Variants in ANGPT2 observed in about 807,000 individuals in gnomAD.
ANGPT2 encodes angiopoietin 2.
ANGPT2 carries 28 observed loss-of-function variants against 62.9 expected under a neutral mutation model. That is an observed-to-expected ratio of 0.44 (90% confidence interval 0.33 to 0.61). The LOEUF is 0.61. Ranked by LOEUF, ANGPT2 falls within the 20% of genes least tolerant of loss-of-function variation. ANGPT2 has a pLI of 0.03. For missense variants in ANGPT2, 727 were observed against 594.9 expected (o/e 1.22, Z -2.31); for synonymous variants, 284 against 207.8 (o/e 1.37, Z -3.15).
chr8:6,547,643 T>G (rs1822841823), intron 1 of ANGPT2, among the ~76,000 whole-genome samples: 1 of 152,014 alleles, frequency 6.6e-6, no homozygotes, highest in Non-Finnish European at 1.5e-5. Context: ...TATCAAACAG[T>G]GAGTGCCTTT....
intron 5 of ANGPT2, among the ~76,000 whole-genome samples, chr8:6,519,289 G>A (rs931129128): frequency 1.1e-4 from 16 of 152,200 alleles, no homozygotes; most frequent in Admixed American, 9.8e-4. Context: ...CCACCGGTCT[G>A]TGGCACTGTG....
intron 1 of ANGPT2, among the ~76,000 whole-genome samples, chr8:6,545,489 C>T (rs1163757947): frequency 6.6e-6 from 1 of 152,148 alleles, no homozygotes; most frequent in Non-Finnish European, 1.5e-5. Context: ...CTAAATAATG[C>T]CTAATGAAAT....
intron 3 of ANGPT2, among the ~76,000 whole-genome samples, chr8:6,526,744 A>G (rs960041288): frequency 3.3e-5 from 5 of 152,224 alleles, no homozygotes; most frequent in African/African-American, 7.2e-5. Context: ...ATATATTGTT[A>G]TAGCCATGTT....
At chr8:6,538,572 C>G (rs1430841163) in intron 1 of ANGPT2, among the ~76,000 whole-genome samples, 1 of 152,208 alleles carries the variant, frequency 6.6e-6, no homozygotes, top group Non-Finnish European at 1.5e-5. Flanking sequence ...TCCCAGCTGC[C>G]CAGCGGCCTC....
chr8:6,518,818 T>C (rs1317978965), intron 5 of ANGPT2, among the ~76,000 whole-genome samples: 1 of 152,218 alleles, frequency 6.6e-6, no homozygotes, highest in Non-Finnish European at 1.5e-5. Flanking sequence ...TATCCAGTAG[T>C]TACATAACAC....
chr8:6,517,913 T>C (rs532927524), intron 5 of ANGPT2, among the ~76,000 whole-genome samples: 8 of 152,244 alleles, frequency 5.3e-5, no homozygotes, highest in African/African-American at 1.9e-4. Context: ...GATGAGAAAA[T>C]TGAGGTTTGT....
chr8:6,500,115 C>T lies in ANGPT2; in HGVS notation c.*2986G>A. ...CGAGAACAAATGTGAGAACGTGAGA[C>T]CATTGTGCAAAAAGTAGTGAGGAAT... On this transcript the variant is annotated 3_prime_UTR_variant, in exon 9 of 9. Transcript: ENST00000629816. The T allele has an allele frequency of 1.6e-6, 1 of 607,534 alleles. No homozygotes were observed. Among genetic ancestry groups the T allele is most frequent in the Non-Finnish European group, 2.9e-6 (1 of 339,484 alleles). 37.6% of individuals were successfully genotyped at this position (607,534 alleles called of 1,614,324 possible).
At chr8:6,529,981 C>G (rs571597574) in intron 2 of ANGPT2, among the ~76,000 whole-genome samples, 1 of 151,962 alleles carries the variant, frequency 6.6e-6, no homozygotes, top group East Asian at 1.9e-4. Flanking sequence ...CTGCTCTGTC[C>G]TAACACTTTT....
intron 1 of ANGPT2, among the ~76,000 whole-genome samples, chr8:6,536,156 C>T (rs935782603): frequency 2.0e-5 from 3 of 152,128 alleles, no homozygotes; most frequent in Admixed American, 6.5e-5. Flanking sequence ...ATGTGACAGT[C>T]AGGTACTCTT....
Position 6,562,993 on chromosome 8 carries a change from G to T in ANGPT2, c.-59C>A, listed in dbSNP as rs1057169431. 1.3e-6 allele frequency: 2 copies of T among 1,517,108 alleles called. No homozygotes were observed. The highest frequency in any genetic ancestry group is 1.8e-6 in the Non-Finnish European group (2 of 1,125,502). The allele number at this position is 1,517,108 out of a possible 1,614,324, so 94.0% of individuals were successfully genotyped here. Reference sequence around the variant, plus strand: ...ACTTGAGGGCAAACACACGTCCAGAGTCCCGAGCTGCTGCCGTCTAAAACG... The same window carrying T: ...ACTTGAGGGCAAACACACGTCCAGATTCCCGAGCTGCTGCCGTCTAAAACG... On this transcript the variant is annotated 5_prime_UTR_variant, in exon 1 of 9. Transcript: ENST00000629816.
At chr8:6,512,091 C>A (rs2129567112) in intron 7 of ANGPT2, among the ~76,000 whole-genome samples, 1 of 151,972 alleles carries the variant, frequency 6.6e-6, no homozygotes, top group East Asian at 1.9e-4. Context: ...TCGGTTGTTG[C>A]CTCTCCAGGA....
At chr8:6,534,697 A>G (rs545023836) in intron 1 of ANGPT2, among the ~76,000 whole-genome samples, 2 of 152,346 alleles carry the variant, frequency 1.3e-5, no homozygotes, top group East Asian at 1.9e-4. Context: ...GCCAGCAACC[A>G]TCTCTATTAT....
At chr8:6,558,882 A>G (rs542705297) in intron 1 of ANGPT2, among the ~76,000 whole-genome samples, 1 of 152,322 alleles carries the variant, frequency 6.6e-6, no homozygotes, top group East Asian at 1.9e-4. Flanking sequence ...ATAGGCACAT[A>G]TCATACTATA....
In ANGPT2 at chr8:6,509,065, G is replaced by A. The variant is rs751246901; in HGVS notation, c.1197-3C>T. ...CTGTAAGTCCTTTAAGGTGAATCCTGTAAGCGTGCAAAGAAAAAAAACACA... is the reference window on the plus strand; with the variant it reads ...CTGTAAGTCCTTTAAGGTGAATCCTATAAGCGTGCAAAGAAAAAAAACACA... On this transcript the variant is annotated splice_polypyrimidine_tract_variant and splice_region_variant and intron_variant, in intron 7 of 8. Transcript: ENST00000629816. 14 of 1,612,562 alleles carry A rather than the reference G, an allele frequency of 8.7e-6. 1 individual carries two copies. The East Asian group carries it at 1.3e-4, about 15-fold the overall frequency.
At chr8:6,529,789 A>G (rs1322436408) in intron 2 of ANGPT2, among the ~76,000 whole-genome samples, 1 of 151,472 alleles carries the variant, frequency 6.6e-6, no homozygotes, top group African/African-American at 2.4e-5. Context: ...CATGTGTTTA[A>G]TTGGGCTTCA....
intron 1 of ANGPT2, among the ~76,000 whole-genome samples, chr8:6,536,333 C>G (rs1820495285): frequency 6.6e-6 from 1 of 152,104 alleles, no homozygotes; most frequent in Non-Finnish European, 1.5e-5. Context: ...GGATGCAGGG[C>G]TGAGCACTGG....
chr8:6,561,793 T>C (rs1013934807), intron 1 of ANGPT2, among the ~76,000 whole-genome samples: 1 of 152,184 alleles, frequency 6.6e-6, no homozygotes, highest in Non-Finnish European at 1.5e-5. Flanking sequence ...AAAAAAATTA[T>C]TTATGAAAGA....
Position 6,531,293 on chromosome 8 carries a change from C to CTT in ANGPT2, c.444+1037_444+1038dup, listed in dbSNP as rs112161330. On this transcript the variant is annotated intron_variant, in intron 2 of 8. Transcript: ENST00000629816. ...TACTAGTTTCTTTCTTTCTTTCTTT[C>CTT]TTTTTTTTTTTTTGAGTTGAAGTCT... 5.5e-4 allele frequency among the ~76,000 whole-genome samples: 79 copies of CTT among 142,398 alleles called. 1 individual carries two copies. The highest frequency in any genetic ancestry group is 8.9e-4 in the Non-Finnish European group (58 of 65,064). 93.4% of individuals were successfully genotyped at this position (142,398 alleles called of 152,430 possible). A position where few individuals can be genotyped will look rare whatever the true frequency, so the allele number is the denominator to read the frequency against.
chr8:6,515,397 G>T (rs1043607283), intron 5 of ANGPT2, among the ~76,000 whole-genome samples: 3 of 152,194 alleles, frequency 2.0e-5, no homozygotes, highest in African/African-American at 7.2e-5. Context: ...CAAGGTGTGT[G>T]ACCTGGGCTT....
Sources: allele counts gnomAD v4.1 joint callset (sites outside exome capture counted in the v4.1 genomes callset), GRCh38; gene constraint gnomAD v4.1.1; transcripts MANE v1.5; gene names NCBI Gene and HGNC (gene_info 2026-07-23, HGNC 2026-07-21).